FILIP1: variants seen among roughly 807,000 people sequenced by gnomAD.
FILIP1 encodes the protein filamin-A-interacting protein 1.
A neutral mutation model predicts 102.1 loss-of-function variants in FILIP1; 61 were observed. The ratio of observed to expected loss-of-function variants is 0.60; its 90% CI spans 0.49 to 0.74. The LOEUF (loss-of-function observed/expected upper bound fraction) is 0.74. Among genes scored for constraint, FILIP1 ranks in the 30% least tolerant of loss-of-function variants. The pLI is 0.00. For missense variants in FILIP1, 1,314 were observed against 1,441.2 expected (o/e 0.91, Z 1.43); for synonymous variants, 491 against 526.9 (o/e 0.93, Z 0.93).
intron 4 of FILIP1, among the ~76,000 whole-genome samples, chr6:75,330,763 T>C (rs967926721): frequency 9.2e-5 from 14 of 152,208 alleles, no homozygotes; most frequent in African/African-American, 3.1e-4. Flanking sequence ...TTATCATAAA[T>C]GAAGTTTTAT....
intron 2 of FILIP1, among the ~76,000 whole-genome samples, chr6:75,379,707 C>T (rs1050844680): frequency 5.9e-5 from 9 of 152,292 alleles, no homozygotes; most frequent in Non-Finnish European, 1.5e-5. Flanking sequence ...TCTCCAGGCA[C>T]GCTTTCCCCT....
chr6:75,484,306 G>A (rs187309243), intron 1 of FILIP1, among the ~76,000 whole-genome samples: 6 of 152,158 alleles, frequency 3.9e-5, no homozygotes, highest in East Asian at 3.9e-4. Context: ...TTCTACCTGC[G>A]GAAGGTTTTG....
chr6:75,448,896 C>A (rs569108772), intron 1 of FILIP1, among the ~76,000 whole-genome samples: 45 of 152,256 alleles, frequency 3.0e-4, no homozygotes, highest in Non-Finnish European at 5.4e-4. Context: ...AGTACAACTA[C>A]TATGGAAAAC....
intron 3 of FILIP1, among the ~76,000 whole-genome samples, chr6:75,360,108 A>G (rs915932485): frequency 3.3e-5 from 5 of 152,192 alleles, no homozygotes; most frequent in South Asian, 4.1e-4. Flanking sequence ...TGATGACAAC[A>G]GGCTCTGGTA....
In FILIP1 at chr6:75,463,880, T is replaced by C. The variant is rs545505435; in HGVS notation, c.-7+29534A>G. Among the ~76,000 whole-genome samples, 41 of 152,310 alleles carry C rather than the reference T, an allele frequency of 2.7e-4. No individual in the cohort carries two copies. In the South Asian group the frequency reaches 7.9e-3, roughly 29 times the overall value. On this transcript the variant is annotated intron_variant, in intron 1 of 5. Transcript: ENST00000237172. Reference sequence around the variant, plus strand: ...AAGAAGGTTCTAGTTGAATTGTTCATATTAGGAGTTAATAGGGGTTAAAAG... The same window carrying C: ...AAGAAGGTTCTAGTTGAATTGTTCACATTAGGAGTTAATAGGGGTTAAAAG...
At chr6:75,456,825 T>G (rs1236492131) in intron 1 of FILIP1, among the ~76,000 whole-genome samples, 1 of 152,212 alleles carries the variant, frequency 6.6e-6, no homozygotes. Flanking sequence ...CCCAAAGTGT[T>G]GGGATTACAG....
At chr6:75,306,360 A>G (rs1772985452), downstream of FILIP1, among the ~76,000 whole-genome samples, 1 of 152,220 alleles carries the variant, frequency 6.6e-6, no homozygotes, top group Non-Finnish European at 1.5e-5. Flanking sequence ...TGAGAAGGTA[A>G]AAGCAAAAGC....
intron 1 of FILIP1, chr6:75,465,406 A>C: frequency 1.7e-6 from 1 of 590,488 alleles, no homozygotes; most frequent in Non-Finnish European, 3.0e-6. Context: ...TGGAGTTACT[A>C]GCTCCAATGA....
intron 2 of FILIP1, among the ~76,000 whole-genome samples, chr6:75,409,239 C>T (rs1776974626): frequency 1.3e-5 from 2 of 152,178 alleles, no homozygotes; most frequent in South Asian, 4.1e-4. Flanking sequence ...GGATTTAGAA[C>T]TCTACATTGC....
At chr6:75,338,506 G>A (rs1236130080) in intron 4 of FILIP1, among the ~76,000 whole-genome samples, 2 of 152,186 alleles carry the variant, frequency 1.3e-5, no homozygotes, top group African/African-American at 4.8e-5. Flanking sequence ...CCTCTCTGGA[G>A]TCCAAGATTT....
intron 2 of FILIP1, among the ~76,000 whole-genome samples, chr6:75,372,308 G>A (rs1051595097): frequency 2.7e-5 from 4 of 145,860 alleles, no homozygotes; most frequent in Admixed American, 1.4e-4. Context: ...TGGAGGTTGC[G>A]ATGAGCTGAG....
intron 2 of FILIP1, chr6:75,367,586 C>T (rs1775378467): frequency 6.6e-6 from 1 of 152,138 alleles, no homozygotes; most frequent in South Asian, 2.1e-4. Context: ...CAATGAGTCA[C>T]AGTGAGCCGA....
intron 3 of FILIP1, among the ~76,000 whole-genome samples, chr6:75,353,936 T>C (rs1774899846): frequency 6.6e-6 from 1 of 152,228 alleles, no homozygotes. Context: ...TTCTGGCTTT[T>C]TTGTAAACAT....
At chr6:75,450,290 T>G (rs575651788) in intron 1 of FILIP1, among the ~76,000 whole-genome samples, 25 of 152,232 alleles carry the variant, frequency 1.6e-4, no homozygotes, top group African/African-American at 5.3e-4. Context: ...AACTAATTAC[T>G]GATTTCAAGA....
intron 2 of FILIP1, among the ~76,000 whole-genome samples, chr6:75,411,764 C>T (rs1777079544): frequency 6.6e-6 from 1 of 152,074 alleles, no homozygotes; most frequent in Non-Finnish European, 1.5e-5. Flanking sequence ...TGTTCTGTTT[C>T]TCTGGTCTAG....
intron 2 of FILIP1, among the ~76,000 whole-genome samples, chr6:75,391,469 C>A (rs943203655): frequency 7.9e-5 from 12 of 152,158 alleles, no homozygotes; most frequent in African/African-American, 2.7e-4. Flanking sequence ...CCATTGCTCC[C>A]TGACTCACCA....
intron 2 of FILIP1, among the ~76,000 whole-genome samples, chr6:75,395,458 T>C (rs2149662991): frequency 6.6e-6 from 1 of 152,248 alleles, no homozygotes; most frequent in East Asian, 1.9e-4. Context: ...TTTGTATTTT[T>C]AGTAGAGACA....
At chr6:75,464,845 G>A (rs933886393) in intron 1 of FILIP1, among the ~76,000 whole-genome samples, 1 of 152,076 alleles carries the variant, frequency 6.6e-6, no homozygotes, top group Non-Finnish European at 1.5e-5. Flanking sequence ...CATCCTTTTA[G>A]TTGCTAGGCT....
intron 1 of FILIP1, among the ~76,000 whole-genome samples, chr6:75,425,211 T>TTGATGTTTAAAGATGTTTATC (rs1484715868): frequency 2.0e-5 from 3 of 152,200 alleles, no homozygotes; most frequent in Admixed American, 6.5e-5. Flanking sequence ...AGATGTTTAT[T>TTGATGTTTAAAGATGTTTATC]TGATGTTTAA....
Sources: allele counts gnomAD v4.1 joint callset (sites outside exome capture counted in the v4.1 genomes callset), GRCh38; gene constraint gnomAD v4.1.1; transcripts MANE v1.5; gene names NCBI Gene and HGNC (gene_info 2026-07-23, HGNC 2026-07-21).